IKZF3: variants seen among roughly 807,000 people sequenced by gnomAD.
IKZF3 encodes IKAROS family zinc finger 3.
In IKZF3, 10 loss-of-function variants were observed where a neutral mutation model predicts 49.0. The observed-to-expected ratio is 0.20, with a 90% confidence interval of 0.13 to 0.35. The LOEUF is 0.35. IKZF3 is among the 10% of genes least tolerant of loss of function. The pLI is 1.00. For missense variants in IKZF3, 498 were observed against 664.8 expected, an observed-to-expected ratio of 0.75 and a Z score of 2.76; for synonymous variants, 209 against 228.2, an observed-to-expected ratio of 0.92 and a Z score of 0.76.
At chr17:39,860,170 G>A (rs2063177194) in intron 1 of IKZF3, among the ~76,000 whole-genome samples, 1 of 152,112 alleles carries the variant, frequency 6.6e-6, no homozygotes, top group Admixed American at 6.5e-5. Context: ...TCAGAAGGTT[G>A]AGGCAGGAGG....
rs551195727 is a variant in IKZF3 at position 39,798,628 on chromosome 17, C to G, written c.164-5695G>C. 6.9e-3 allele frequency among the ~76,000 whole-genome samples: 1,052 copies of G among 152,014 alleles called. 14 individuals carry two copies. Among genetic ancestry groups the G allele is most frequent in the African/African-American group, 0.024 (1,007 of 41,438 alleles). ...TCATGCCATTCTCTTGGCTCAGCCTCCTGAGTAGCTGGGACTACAGGCGCC... is the reference window on the plus strand; with the variant it reads ...TCATGCCATTCTCTTGGCTCAGCCTGCTGAGTAGCTGGGACTACAGGCGCC... On this transcript the variant is annotated intron_variant, in intron 3 of 7. Transcript: ENST00000346872.
rs566491022 is a variant in IKZF3, at chr17:39,776,469, G to A, written c.826+1182C>T. Among the ~76,000 whole-genome samples the A allele has an allele frequency of 5.9e-5, 9 of 152,328 alleles. No individual in the cohort carries two copies. In the South Asian group the frequency reaches 1.7e-3, roughly 28 times the overall value. On this transcript the variant is annotated intron_variant, in intron 7 of 7. Transcript: ENST00000346872. ...CCCCTGACATGTCTCACCAAGGGGA[G>A]GGAGGACAGCAAGGAGGAGGGGATC...
chr17:39,844,208 G>A (rs2062561759), intron 1 of IKZF3, among the ~76,000 whole-genome samples: 1 of 152,192 alleles, frequency 6.6e-6, no homozygotes, highest in African/African-American at 2.4e-5. Flanking sequence ...ACAAAGTTAA[G>A]TAGGAAGAGT....
At chr17:39,803,471 C>A (rs2061366098) in intron 3 of IKZF3, among the ~76,000 whole-genome samples, 1 of 151,874 alleles carries the variant, frequency 6.6e-6, no homozygotes, top group African/African-American at 2.4e-5. Context: ...AAAAAAACTT[C>A]CTTTTTCATT....
chr17:39,812,789 T>C (rs2061590457), intron 3 of IKZF3, among the ~76,000 whole-genome samples: 1 of 152,122 alleles, frequency 6.6e-6, no homozygotes, highest in Non-Finnish European at 1.5e-5. Flanking sequence ...CCAACACTAC[T>C]GCTTAACAGA....
intron 3 of IKZF3, among the ~76,000 whole-genome samples, chr17:39,813,936 A>G (rs1190897770): frequency 6.6e-6 from 1 of 152,246 alleles, no homozygotes; most frequent in Non-Finnish European, 1.5e-5. Flanking sequence ...TGCCTAAGCG[A>G]GGCTGACGCG....
At chr17:39,843,731 C>CG (rs895832900) in intron 1 of IKZF3, among the ~76,000 whole-genome samples, 3 of 150,946 alleles carry the variant, frequency 2.0e-5, no homozygotes, top group African/African-American at 4.9e-5. Flanking sequence ...CGCTTGAACA[C>CG]GGGGGGCAGA....
At chr17:39,813,110 A>G (rs111307979) in intron 3 of IKZF3, among the ~76,000 whole-genome samples, 1 of 124,756 alleles carries the variant, frequency 8.0e-6, no homozygotes, top group African/African-American at 4.3e-5. Context: ...TCAAAAAATA[A>G]ATAAATAAAT....
intron 1 of IKZF3, among the ~76,000 whole-genome samples, chr17:39,857,926 C>T (rs1405320197): frequency 6.8e-6 from 1 of 147,810 alleles, no homozygotes; most frequent in Admixed American, 6.8e-5. Flanking sequence ...GAGTTTGAGA[C>T]CAGCCTGCAA....
chr17:39,843,755 C>T (rs759973090), intron 1 of IKZF3, among the ~76,000 whole-genome samples: 1 of 150,512 alleles, frequency 6.6e-6, no homozygotes, highest in African/African-American at 2.5e-5. Flanking sequence ...TACAGTGAGC[C>T]GAGATGGCAC....
chr17:39,783,270 T>C (rs1172534458), intron 6 of IKZF3, among the ~76,000 whole-genome samples: 2 of 152,230 alleles, frequency 1.3e-5, no homozygotes, highest in African/African-American at 4.8e-5. Flanking sequence ...ACAAAAAAGT[T>C]TCATAAAACT....
rs1018319070 is a variant in IKZF3 at position 39,759,370 on chromosome 17, G to C, written c.*6420C>G. ...CCCAGGAGGTTGAGGCGGCAAGTAA[G>C]CCTTGATTGTGCCACTGCACTCAGC... is the stretch of plus-strand genomic sequence containing the variant. On this transcript the variant is annotated 3_prime_UTR_variant, in exon 8 of 8. Transcript: ENST00000346872. 1 of 152,076 alleles carries C rather than the reference G, an allele frequency of 6.6e-6. No homozygotes were observed. Among genetic ancestry groups the C allele is most frequent in the African/African-American group, 2.4e-5 (1 of 41,390 alleles). The allele number at this position is 152,076 out of a possible 1,614,324, so 9.4% of individuals were successfully genotyped here.
intron 5 of IKZF3, among the ~76,000 whole-genome samples, chr17:39,789,356 A>C (rs1325951516): frequency 1.3e-5 from 2 of 152,156 alleles, no homozygotes; most frequent in African/African-American, 2.4e-5. Context: ...CGAGGTGAGG[A>C]GTTCGAGACC....
At chr17:39,851,216 A>T (rs2062865458) in intron 1 of IKZF3, among the ~76,000 whole-genome samples, 2 of 151,620 alleles carry the variant, frequency 1.3e-5, no homozygotes, top group African/African-American at 4.9e-5. Flanking sequence ...TCTTGTAGAG[A>T]TGGGGTTTCA....
intron 3 of IKZF3, among the ~76,000 whole-genome samples, chr17:39,809,449 CAGGGTGCTCCTTTAGG>C: frequency 6.6e-6 from 1 of 152,320 alleles, no homozygotes. Context: ...GCTGGATTAC[CAGGGTGCTCCTTTAGG>C]CCTGGCTCTG....
intron 7 of IKZF3, among the ~76,000 whole-genome samples, chr17:39,770,930 C>T (rs1359181727): frequency 6.6e-6 from 1 of 151,918 alleles, no homozygotes. Flanking sequence ...CTCAGCCTCC[C>T]AAGTGTCTGG....
chr17:39,825,785 C>T (rs12942660), intron 3 of IKZF3, among the ~76,000 whole-genome samples: 14,055 of 152,142 alleles, frequency 0.092, 1,318 homozygotes, highest in African/African-American at 0.24. Context: ...AAAATATCAA[C>T]GAAGTCTTGG....
chr17:39,863,408 C>T (rs1401673600), intron 1 of IKZF3, among the ~76,000 whole-genome samples: 1 of 151,744 alleles, frequency 6.6e-6, no homozygotes, highest in East Asian at 1.9e-4. Flanking sequence ...TTTCTTAATC[C>T]CACCATCCCC....
intron 3 of IKZF3, 92 bp downstream of exon 3, chr17:39,829,295 G>T: frequency 1.2e-6 from 1 of 834,874 alleles, no homozygotes; most frequent in Non-Finnish European, 2.0e-6. Context: ...ACCTACAATT[G>T]CAAGTTTTCC....
Sources: gnomAD v4.1 joint callset for allele counts (sites outside exome capture counted in the v4.1 genomes callset) on GRCh38, gnomAD v4.1.1 for gene constraint, MANE v1.5 for transcripts, NCBI Gene and HGNC (gene_info 2026-07-23, HGNC 2026-07-21) for gene names.